Variants in PAM observed in about 807,000 individuals in gnomAD.
PAM encodes the protein peptidyl-glycine alpha-amidating monooxygenase.
PAM carries 72 observed loss-of-function variants against 122.1 expected under a neutral mutation model. That is an observed-to-expected ratio of 0.59 (90% CI 0.49 to 0.72). The LOEUF is 0.72. Ranked by LOEUF, PAM falls within the 30% of genes least tolerant of loss-of-function variation. The pLI is 0.00. For synonymous variants in PAM, 389 were observed against 404.4 expected (o/e 0.96, Z 0.46); for missense variants, 1,106 against 1,183.7 (o/e 0.93, Z 0.96).
At chr5:102,849,236 C>T (rs186887073) in intron 1 of PAM, among the ~76,000 whole-genome samples, 6 of 152,158 alleles carry the variant, frequency 3.9e-5, no homozygotes, top group East Asian at 1.9e-4. Flanking sequence ...GATCTGGAAC[C>T]GCGCTCCAGT....
chr5:102,897,457 C>T lies in PAM; in HGVS notation c.211-3899C>T, dbSNP rs553334002. ...ATTCATATACATGGTGAAATTATTA[C>T]TATAGTTAAGCAAATTAATCTCTCC... On this transcript the variant is annotated intron_variant, in intron 3 of 25. Coordinates refer to ENST00000438793, the MANE Select transcript of PAM (RefSeq NM_001177306.2). Among the ~76,000 whole-genome samples, 64 of 151,708 alleles carry T rather than the reference C, an allele frequency of 4.2e-4. 1 individual carries two copies. The South Asian group carries it at 0.012, about 29-fold the overall frequency.
chr5:102,914,027 GA>G lies in PAM; in HGVS notation c.356+7del. ...TCATCCACTGGAAGTTACTGGTAAG[GA>G]TAATGGGTTTACAGTATAGAAGGGT... On this transcript the variant is annotated splice_region_variant and intron_variant, in intron 5 of 25. Transcript: ENST00000438793. 1 of 1,474,766 alleles carries G rather than the reference GA, an allele frequency of 6.8e-7. No homozygotes were observed. Among genetic ancestry groups the G allele is most frequent in the Non-Finnish European group, 9.5e-7 (1 of 1,053,296 alleles). The allele number at this position is 1,474,766 out of a possible 1,614,324, so 91.4% of individuals were successfully genotyped here.
At chr5:102,935,286 G>A (rs531291648) in intron 7 of PAM, among the ~76,000 whole-genome samples, 1 of 151,452 alleles carries the variant, frequency 6.6e-6, no homozygotes, top group South Asian at 2.1e-4. Context: ...TTTTGGACAA[G>A]AATTAGATCA....
chr5:103,009,096 TA>T (rs1779889211), intron 20 of PAM, among the ~76,000 whole-genome samples: 1 of 152,178 alleles, frequency 6.6e-6, no homozygotes, highest in Non-Finnish European at 1.5e-5. Context: ...ATTGTTTATT[TA>T]ACGTAAACAT....
intron 1 of PAM, among the ~76,000 whole-genome samples, chr5:102,862,931 T>C (rs1194734326): frequency 6.6e-6 from 1 of 152,054 alleles, no homozygotes; most frequent in Non-Finnish European, 1.5e-5. Context: ...CACGACTGAA[T>C]GGTCAAATTG....
intron 1 of PAM, among the ~76,000 whole-genome samples, chr5:102,813,349 T>C (rs1768550132): frequency 6.6e-6 from 1 of 152,220 alleles, no homozygotes; most frequent in Admixed American, 6.5e-5. Context: ...TCACCAACTA[T>C]ATTGAAAACC....
chr5:102,858,783 A>G (rs1783291572), intron 1 of PAM, among the ~76,000 whole-genome samples: 1 of 152,240 alleles, frequency 6.6e-6, no homozygotes, highest in Admixed American at 6.5e-5. Context: ...CCATCTCCAT[A>G]GAAAATCTCT....
At chr5:103,017,271 T>A in intron 21 of PAM, 63 bp from the exon 22 acceptor site, 1 of 1,029,640 alleles carries the variant, frequency 9.7e-7, no homozygotes, top group Non-Finnish European at 1.5e-6. Flanking sequence ...TGTTTTTCTG[T>A]CTTTTCATGA....
chr5:102,890,663 G>A (rs945629947), intron 3 of PAM, among the ~76,000 whole-genome samples: 1 of 151,822 alleles, frequency 6.6e-6, no homozygotes, highest in Admixed American at 6.6e-5. Context: ...ATGATGTGTG[G>A]ATTTGTGCAT....
chr5:102,840,043 A>G (rs1778176259), intron 1 of PAM, among the ~76,000 whole-genome samples: 1 of 152,178 alleles, frequency 6.6e-6, no homozygotes, highest in Non-Finnish European at 1.5e-5. Flanking sequence ...AACAAGAAAA[A>G]TGAAAGTTCA....
chr5:102,929,149 TAGA>T (rs1750584582), intron 7 of PAM, among the ~76,000 whole-genome samples: 1 of 152,146 alleles, frequency 6.6e-6, no homozygotes, highest in Non-Finnish European at 1.5e-5. Flanking sequence ...ATTCCACAAA[TAGA>T]AGCATTTTGT....
intron 5 of PAM, among the ~76,000 whole-genome samples, chr5:102,924,580 A>G (rs1411800247): frequency 1.3e-5 from 2 of 152,096 alleles, no homozygotes; most frequent in African/African-American, 2.4e-5. Flanking sequence ...TGTGTATGAC[A>G]CTTTTTTTAG....
intron 15 of PAM, among the ~76,000 whole-genome samples, chr5:102,985,841 C>G (rs935639303): frequency 1.3e-5 from 2 of 152,086 alleles, no homozygotes; most frequent in African/African-American, 2.4e-5. Flanking sequence ...GCAAAATCCT[C>G]AACACAGTAC....
In PAM at chr5:102,849,770, T is replaced by G. The variant is rs76507374; in HGVS notation, c.-373-16053T>G. On this transcript the variant is annotated intron_variant, in intron 1 of 25. Coordinates refer to ENST00000438793, the MANE Select transcript of PAM (RefSeq NM_001177306.2). ...TCCAAAGTAAGAAGTCAATAGATAA[T>G]TAATGGAACTGTGAAATTGATAAAT... Among the ~76,000 whole-genome samples, 504 of 152,218 alleles carry G rather than the reference T, an allele frequency of 3.3e-3. 12 individuals carry two copies. In the East Asian group the frequency reaches 0.06, roughly 18 times the overall value.
intron 1 of PAM, among the ~76,000 whole-genome samples, chr5:102,759,109 T>G (rs966040874): frequency 4.3e-4 from 66 of 152,208 alleles, no homozygotes; most frequent in African/African-American, 1.5e-3. Context: ...AATTATAAAT[T>G]TATAAAGAAA....
chr5:102,907,959 A>G (rs1465649422), intron 4 of PAM, among the ~76,000 whole-genome samples: 1 of 151,812 alleles, frequency 6.6e-6, no homozygotes, highest in Admixed American at 6.6e-5. Flanking sequence ...TTTGCTGTGC[A>G]GAAGCTCTTT....
At chr5:102,914,683 A>G (rs1393778364) in intron 5 of PAM, among the ~76,000 whole-genome samples, 2 of 152,060 alleles carry the variant, frequency 1.3e-5, no homozygotes. Context: ...TTTCCACTTT[A>G]CAGACAAGAA....
chr5:102,807,042 C>T (rs879649138), intron 1 of PAM, among the ~76,000 whole-genome samples: 10 of 152,092 alleles, frequency 6.6e-5, no homozygotes, highest in Non-Finnish European at 1.2e-4. Context: ...ATATACAGTA[C>T]GGAATGACAA....
At chr5:102,839,536 C>CAAAA (rs34092506) in intron 1 of PAM, among the ~76,000 whole-genome samples, 3 of 81,168 alleles carry the variant, frequency 3.7e-5, no homozygotes, top group African/African-American at 3.9e-5. Context: ...GGCTCAGTCT[C>CAAAA]AAAAAAAAAA....
Sources: allele counts gnomAD v4.1 joint callset (sites outside exome capture counted in the v4.1 genomes callset), GRCh38; gene constraint gnomAD v4.1.1; transcripts MANE v1.5; gene names NCBI Gene and HGNC (gene_info 2026-07-23, HGNC 2026-07-21).